The following PRELID2 variants were observed in gnomAD, a reference collection of about 807,000 sequenced individuals.
PRELID2 encodes PRELI domain-containing protein 2.
PRELID2 carries 25 observed loss-of-function variants against 28.4 expected under a neutral mutation model. The observed-to-expected ratio is 0.88, with a 90% CI of 0.64 to 1.23. The LOEUF (loss-of-function observed/expected upper bound fraction) is 1.23. PRELID2 is among the 50% of genes most tolerant of loss of function. The pLI is 0.00. For synonymous variants in PRELID2, 76 were observed against 71.6 expected (o/e 1.06, Z -0.31); for missense variants, 201 against 214.4 (o/e 0.94, Z 0.39).
At chr5:145,367,464 A>G in the PRELID2 span, among the ~76,000 whole-genome samples, 1 of 151,484 alleles carries the variant, frequency 6.6e-6, no homozygotes. Flanking sequence ...CATCATAATT[A>G]CCCAGAGTCT....
intron 1 of PRELID2, among the ~76,000 whole-genome samples, chr5:145,829,368 C>A (rs1043482912): frequency 2.0e-5 from 3 of 152,126 alleles, no homozygotes; most frequent in Non-Finnish European, 2.9e-5. Flanking sequence ...GTAATGATTT[C>A]TGAGGCCACT....
At chr5:145,416,392 G>A in the PRELID2 span, among the ~76,000 whole-genome samples, 4 of 151,964 alleles carry the variant, frequency 2.6e-5, no homozygotes, top group Non-Finnish European at 5.9e-5. Flanking sequence ...AAAAGCAATG[G>A]CAACAAAAGA....
intron 1 of PRELID2, among the ~76,000 whole-genome samples, chr5:145,524,353 C>G (rs28675061): frequency 0.034 from 5,171 of 152,296 alleles, 210 homozygotes; most frequent in African/African-American, 0.099. Context: ...CCGTGCGTGG[C>G]CTCTGGGCAC....
At chr5:145,578,387 A>C (rs1753080148) in intron 1 of PRELID2, among the ~76,000 whole-genome samples, 1 of 152,088 alleles carries the variant, frequency 6.6e-6, no homozygotes, top group Non-Finnish European at 1.5e-5. Flanking sequence ...AGAAAGTATG[A>C]TTTGAGTCCC....
chr5:145,615,488 G>A (rs569288813), intron 1 of PRELID2, among the ~76,000 whole-genome samples: 7 of 143,486 alleles, frequency 4.9e-5, no homozygotes, highest in Non-Finnish European at 1.0e-4. Context: ...CACCTCGCCC[G>A]GCTAATTTTT....
the PRELID2 span, among the ~76,000 whole-genome samples, chr5:145,438,017 C>T: frequency 6.6e-6 from 1 of 152,116 alleles, no homozygotes; most frequent in South Asian, 2.1e-4. Flanking sequence ...GTTATACTCT[C>T]ATGTCCTCCC....
At chr5:145,796,303 T>G (rs76769293) in intron 5 of PRELID2, 139 bp downstream of exon 5, 9,318 of 457,022 alleles carry the variant, frequency 0.02, 573 homozygotes, top group African/African-American at 0.15. Context: ...AATTTTGAGG[T>G]TGATTATTTT....
At chr5:145,803,146 G>A (rs913341242) in intron 4 of PRELID2, among the ~76,000 whole-genome samples, 2 of 152,074 alleles carry the variant, frequency 1.3e-5, no homozygotes, top group Non-Finnish European at 2.9e-5. Context: ...AGAAATAAGG[G>A]TCCCAAAGGA....
intron 1 of PRELID2, among the ~76,000 whole-genome samples, chr5:145,686,122 T>A (rs1426541076): frequency 6.6e-6 from 1 of 152,180 alleles, no homozygotes. Context: ...AAATTACACA[T>A]GTAAACCCAC....
intron 1 of PRELID2, among the ~76,000 whole-genome samples, chr5:145,653,246 A>G (rs946391932): frequency 2.6e-5 from 4 of 152,222 alleles, no homozygotes; most frequent in Non-Finnish European, 5.9e-5. Flanking sequence ...CCAGATTTAT[A>G]AAGCAAGTCC....
intron 1 of PRELID2, among the ~76,000 whole-genome samples, chr5:145,560,028 C>T (rs2126691574): frequency 6.6e-6 from 1 of 152,228 alleles, no homozygotes; most frequent in South Asian, 2.1e-4. Context: ...TAAACATGCT[C>T]AGAACATTTA....
At chr5:145,500,193 G>T (rs1167863126) in intron 1 of PRELID2, among the ~76,000 whole-genome samples, 1 of 152,164 alleles carries the variant, frequency 6.6e-6, no homozygotes, top group Non-Finnish European at 1.5e-5. Flanking sequence ...GGGGCCTGGT[G>T]GGAGGTGATT....
intron 1 of PRELID2, among the ~76,000 whole-genome samples, chr5:145,525,637 A>C (rs1279706199): frequency 6.6e-6 from 1 of 152,106 alleles, no homozygotes; most frequent in Non-Finnish European, 1.5e-5. Flanking sequence ...CTGTCTTTTA[A>C]ACCCAGTGCT....
chr5:145,555,741 T>G (rs2126686227), intron 1 of PRELID2, among the ~76,000 whole-genome samples: 1 of 152,012 alleles, frequency 6.6e-6, no homozygotes, highest in South Asian at 2.1e-4. Context: ...AGCAGGAGTA[T>G]CAAATCAAGA....
chr5:145,484,467 A>T (rs946881981), intron 1 of PRELID2, among the ~76,000 whole-genome samples: 10 of 152,126 alleles, frequency 6.6e-5, no homozygotes, highest in Admixed American at 6.6e-4. Context: ...TCTATTTCTT[A>T]TTGGTTCATT....
At chr5:145,681,801 T>C (rs2149689415) in intron 1 of PRELID2, among the ~76,000 whole-genome samples, 2 of 152,252 alleles carry the variant, frequency 1.3e-5, no homozygotes, top group East Asian at 3.9e-4. Context: ...CAGAGGGAGC[T>C]AGGCTAGAAA....
At chr5:145,546,414 C>A (rs1196722046) in intron 1 of PRELID2, among the ~76,000 whole-genome samples, 1 of 152,120 alleles carries the variant, frequency 6.6e-6, no homozygotes, top group African/African-American at 2.4e-5. Context: ...AAGGACACTG[C>A]ATATATCAAT....
At chr5:145,339,010 A>G in the PRELID2 span, among the ~76,000 whole-genome samples, 2 of 152,124 alleles carry the variant, frequency 1.3e-5, no homozygotes, top group Admixed American at 1.3e-4. Flanking sequence ...AAAATAGCCC[A>G]ATTTTTATAA....
chr5:145,703,828 C>G (rs562415308), intron 1 of PRELID2: 1 of 152,330 alleles, frequency 6.6e-6, no homozygotes, highest in African/African-American at 2.4e-5. Flanking sequence ...CTCTTCCCAG[C>G]AAGTCTCAAA....
Sources: allele counts gnomAD v4.1 joint callset (sites outside exome capture counted in the v4.1 genomes callset), GRCh38; gene constraint gnomAD v4.1.1; transcripts MANE v1.5; gene names NCBI Gene and HGNC (gene_info 2026-07-23, HGNC 2026-07-21).